SH2B1: variants seen among roughly 807,000 people sequenced by gnomAD.
SH2B1 encodes the protein SH2B adapter protein 1.
Under a neutral mutation model 62.6 loss-of-function variants are expected in SH2B1, and 15 were observed. That is an observed-to-expected ratio of 0.24 (90% CI 0.16 to 0.37). The LOEUF (loss-of-function observed/expected upper bound fraction) is 0.37. Among genes scored for constraint, SH2B1 ranks in the 10% least tolerant of loss-of-function variants. The pLI is 1.00. For synonymous variants in SH2B1, 443 were observed against 438.0 expected (o/e 1.01, Z -0.14); for missense variants, 925 against 1,015.6 (o/e 0.91, Z 1.21).
intron 1 of SH2B1, among the ~76,000 whole-genome samples, chr16:28,858,803 G>C (rs1962377128): frequency 6.6e-6 from 1 of 151,588 alleles, no homozygotes; most frequent in Non-Finnish European, 1.5e-5. Flanking sequence ...AGCCAGGCCT[G>C]GTGGCGCACG....
intron 1 of SH2B1, among the ~76,000 whole-genome samples, chr16:28,851,008 C>G (rs1278714783): frequency 1.3e-5 from 2 of 149,738 alleles, no homozygotes; most frequent in East Asian, 2.0e-4. Flanking sequence ...CCCGTCTCTA[C>G]TAAAAAAATA....
At chr16:28,846,834 G>A (rs1211770879) in intron 1 of SH2B1, 1 of 157,088 alleles carries the variant, frequency 6.4e-6, no homozygotes, top group Non-Finnish European at 1.4e-5. Flanking sequence ...GGAGGTAGGG[G>A]ACCAGGTCCT....
At position 28,866,809 on chromosome 16, in the gene SH2B1, G is replaced by T. The variant is rs769421511; in HGVS notation, c.715G>T (p.Ala239Ser). Residue 239 changes from alanine to serine, a missense_variant, in exon 1 of 8, where the codon GCC becomes TCC. Physicochemically the swap from Ala to Ser is moderately conservative, Grantham distance 99 (BLOSUM62 1). Coordinates refer to ENST00000684370, the MANE Select transcript of SH2B1 (RefSeq NM_001387430.1). The surrounding 1 kb of genome is among the most constrained non-coding windows in gnomAD (Gnocchi z 6.3). The stretch of plus-strand genomic sequence containing the variant: ...GCTGAGACTCAGTCGGGGAGGGGGC[G>T]CCTTGAAGGATGGAGCAGGGATGGT... ...ERLRLSRGGG[A>S]LKDGAGMVQR... 5 of 1,583,956 alleles carry T rather than the reference G, an allele frequency of 3.2e-6. No homozygotes were observed. The Admixed American group carries it at 5.3e-5, about 17-fold the overall frequency.
At position 28,866,449 on chromosome 16, in the gene SH2B1, G is replaced by C. The variant is rs1452968358; in HGVS notation, c.355G>C (p.Val119Leu). 1 of 1,613,926 alleles carries C rather than the reference G, an allele frequency of 6.2e-7. No individual in the cohort carries two copies. The highest frequency in any genetic ancestry group is 1.3e-5 in the African/African-American group (1 of 75,006). ...CTGCAGGGTGGGTGGGCCCCTGGCT[G>C]TGCTGGGCCCTTCTCGATCATCTGA... ...ESCRVGGPLA[V>L]LGPSRSSEDL... The change falls in exon 1 of 8, where the codon GTG becomes CTG. Residue 119 changes from valine to leucine, a missense_variant. Physicochemically the swap from Val to Leu is conservative, Grantham distance 32 (BLOSUM62 1). This residue lies in a region of SH2B1 where 683 missense variants were observed against 704.0 expected (regional missense o/e 0.97). Transcript: ENST00000684370. This position sits in a 1 kb window ranked among gnomAD's most constrained non-coding sequence, Gnocchi z 6.3.
At chr16:28,859,579 A>G (rs1376775689), upstream of SH2B1, among the ~76,000 whole-genome samples, 4 of 152,026 alleles carry the variant, frequency 2.6e-5, no homozygotes, top group African/African-American at 9.7e-5. Flanking sequence ...GGCGTGGGTC[A>G]TGCCTGTGGT....
chr16:28,874,106 G>A lies in SH2B1; in HGVS notation c.*286G>A, dbSNP rs1963198827. ...CATTAACTACCCCCAGCCCGAGGCA[G>A]GGTGAGGGGGAAGGGCTGTCAGTTA... On this transcript the variant is annotated 3_prime_UTR_variant, in exon 8 of 8. Coordinates refer to ENST00000684370, the MANE Select transcript of SH2B1 (RefSeq NM_001387430.1). 5.6e-6 allele frequency: 2 copies of A among 355,112 alleles called. No individual in the cohort carries two copies. Among genetic ancestry groups the A allele is most frequent in the Non-Finnish European group, 1.0e-5 (2 of 198,310 alleles). The allele number at this position is 355,112 out of a possible 1,614,324, so 22.0% of individuals were successfully genotyped here. A position where few individuals can be genotyped will look rare whatever the true frequency, so the allele number is the denominator to read the frequency against.
chr16:28,866,968 C>T lies in SH2B1; in HGVS notation c.874C>T (p.Leu292=). The T allele has an allele frequency of 6.2e-7, 1 of 1,606,782 alleles. No homozygotes were observed. ...GGQPQWQKCR[L]LLRSEGEGGG... is the part of the protein sequence containing the mutation. The stretch of plus-strand genomic sequence containing the variant: ...GCAGCCTCAGTGGCAGAAGTGTCGC[C>T]TGCTGCTTCGAAGTGAAGGAGAAGG... The change falls in exon 1 of 8, where the codon CTG becomes TTG. Residue 292 remains leucine, a synonymous_variant. Transcript: ENST00000684370. The surrounding 1 kb of genome is among the most constrained non-coding windows in gnomAD (Gnocchi z 6.3).
In SH2B1 at chr16:28,871,949, C is replaced by G; in HGVS notation, c.1479C>G (p.Pro493=). The G allele has an allele frequency of 6.2e-7, 1 of 1,609,536 alleles. No individual in the cohort carries two copies. The highest frequency in any genetic ancestry group is 8.5e-7 in the Non-Finnish European group (1 of 1,176,178). The change falls in exon 5 of 8, where the codon CCC becomes CCG. Residue 493 remains proline, a synonymous_variant. Coordinates refer to ENST00000684370, the MANE Select transcript of SH2B1 (RefSeq NM_001387430.1). ...PTGTVHPLSA[P]YPPLDTPETA... ...GGACAGTTCATCCCCTCTCAGCCCC[C>G]TACCCTCCCTTGGACACTCCGGAAA... is the stretch of plus-strand genomic sequence containing the variant.
rs1962611089 is a variant in SH2B1 at position 28,865,070 on chromosome 16, C to A, written c.-1025C>A. The A allele has an allele frequency of 1.0e-6, 1 of 985,286 alleles. No individual in the cohort carries two copies. Among genetic ancestry groups the A allele is most frequent in the Non-Finnish European group, 1.2e-6 (1 of 829,868 alleles). The allele number at this position is 985,286 out of a possible 1,614,324, so 61.0% of individuals were successfully genotyped here. ...CCCTGGTCTGACTCAAGTCCATGGC[C>A]TTAACCAGAAGGCTAACCTGCCTTT... On this transcript the variant is annotated 5_prime_UTR_variant, in exon 1 of 8. Coordinates refer to ENST00000684370, the MANE Select transcript of SH2B1 (RefSeq NM_001387430.1).
chr16:28,867,845 T>A (rs1159528578), intron 2 of SH2B1, among the ~76,000 whole-genome samples: 1 of 152,152 alleles, frequency 6.6e-6, no homozygotes, highest in Non-Finnish European at 1.5e-5. Flanking sequence ...TTACTTACAT[T>A]TGAGATAGAG....
At chr16:28,855,093 C>G (rs1274864624) in intron 1 of SH2B1, among the ~76,000 whole-genome samples, 1 of 152,006 alleles carries the variant, frequency 6.6e-6, no homozygotes, top group Non-Finnish European at 1.5e-5. Context: ...AGGCTGGTCT[C>G]GAACTCCTGA....
intron 1 of SH2B1, among the ~76,000 whole-genome samples, chr16:28,851,745 G>A (rs1962103846): frequency 6.6e-6 from 1 of 150,394 alleles, no homozygotes; most frequent in Admixed American, 6.6e-5. Flanking sequence ...TTATAGGCAT[G>A]AGCCACCGCG....
rs1441399942 is a variant in SH2B1, at chr16:28,872,110, G to GT, written c.1514-80_1514-79insT. 3.4e-6 allele frequency: 5 copies of GT among 1,450,544 alleles called. No homozygotes were observed. Among genetic ancestry groups the GT allele is most frequent in the Non-Finnish European group, 2.9e-6 (3 of 1,043,060 alleles). 89.9% of individuals were successfully genotyped at this position (1,450,544 alleles called of 1,614,324 possible). ...GCATGTGGGGAGCAGGCGCCTTGAG[G>GT]GGAAGGCAAGGCTTTTTTCTCCCAG... is the stretch of plus-strand genomic sequence containing the variant. On this transcript the variant is annotated intron_variant, in intron 5 of 7. Coordinates refer to ENST00000684370, the MANE Select transcript of SH2B1 (RefSeq NM_001387430.1). The surrounding 1 kb of genome is among the most constrained non-coding windows in gnomAD (Gnocchi z 5.3).
chr16:28,867,295 C>T (rs991528706), intron 1 of SH2B1, 36 bp from the exon 2 acceptor site: 2 of 1,535,052 alleles, frequency 1.3e-6, no homozygotes, highest in African/African-American at 2.7e-5. Context: ...TCTTTGGAAA[C>T]CAAACACCCA....
At chr16:28,851,913 A>G (rs1431075146) in intron 1 of SH2B1, among the ~76,000 whole-genome samples, 1 of 150,298 alleles carries the variant, frequency 6.7e-6, no homozygotes, top group African/African-American at 2.4e-5. Context: ...TTAAAAATAC[A>G]AAAAATAGTT....
Position 28,865,457 on chromosome 16 carries a change from G to A in SH2B1, c.-638G>A, listed in dbSNP as rs1333286698. 2.0e-6 allele frequency: 2 copies of A among 985,464 alleles called. No homozygotes were observed. The highest frequency in any genetic ancestry group is 1.7e-5 in the African/African-American group (1 of 57,228). The allele number at this position is 985,464 out of a possible 1,614,324, so 61.0% of individuals were successfully genotyped here. ...GGTCTAGAATCCCAGCTCCTCTCTA[G>A]CCCCCTGCGAGCTGGGGCGGTGAGG... On this transcript the variant is annotated 5_prime_UTR_variant, in exon 1 of 8. It removes the in-frame stop codon of an upstream open reading frame in the 5' UTR. Transcript: ENST00000684370.
In SH2B1 at chr16:28,864,990, CAA is replaced by C. The variant is rs1962606393; in HGVS notation, c.-1104_-1103del. 1.6e-6 allele frequency: 1 copy of C among 634,686 alleles called. No homozygotes were observed. Among genetic ancestry groups the C allele is most frequent in the African/African-American group, 2.0e-5 (1 of 50,398 alleles). 39.3% of individuals were successfully genotyped at this position (634,686 alleles called of 1,614,324 possible). A position where few individuals can be genotyped will look rare whatever the true frequency, so the allele number is the denominator to read the frequency against. On this transcript the variant is annotated 5_prime_UTR_variant, in exon 1 of 8. Coordinates refer to ENST00000684370, the MANE Select transcript of SH2B1 (RefSeq NM_001387430.1). ...GCTCAGAGAGGACGTGGAATTTGTT[CAA>C]GATAACATCGCTCATAAGGTGGCTG...
Position 28,863,886 on chromosome 16 carries a change from G to A in SH2B1, c.-2209G>A. On this transcript the variant is annotated 5_prime_UTR_variant, in exon 1 of 8. Coordinates refer to ENST00000684370, the MANE Select transcript of SH2B1 (RefSeq NM_001387430.1). Reference sequence around the variant, plus strand: ...GTCGCGTAGTGGGTGGGGGCGCAGGGAGCGGGAGCCGCCGCCGCCGCCGCC... The same window carrying A: ...GTCGCGTAGTGGGTGGGGGCGCAGGAAGCGGGAGCCGCCGCCGCCGCCGCC... The A allele has an allele frequency of 6.7e-7, 1 of 1,494,368 alleles. No homozygotes were observed. Among genetic ancestry groups the A allele is most frequent in the South Asian group, 1.2e-5 (1 of 81,288 alleles). The allele number at this position is 1,494,368 out of a possible 1,614,324, so 92.6% of individuals were successfully genotyped here.
In SH2B1 at chr16:28,852,659, CATAT is replaced by C. The variant is rs1203882095; in HGVS notation, c.-301+5837_-301+5840del. ...ACACATATATATTTATATATATACA[CATAT>C]ATATTTATATATATATTTACATATA... On this transcript the variant is annotated intron_variant, in intron 1 of 10. Coordinates refer to the SH2B1 transcript ENST00000322610. 2.6e-5 allele frequency among the ~76,000 whole-genome samples: 2 copies of C among 76,542 alleles called. 1 individual carries two copies. Among genetic ancestry groups the C allele is most frequent in the Non-Finnish European group, 4.4e-5 (2 of 45,578 alleles). The allele number at this position is 76,542 out of a possible 152,430, so 50.2% of individuals were successfully genotyped here.
Sources: allele counts gnomAD v4.1 joint callset (sites outside exome capture counted in the v4.1 genomes callset), GRCh38; gene constraint gnomAD v4.1.1; regional missense constraint gnomAD v4.1.1; non-coding constraint Gnocchi (gnomAD v3.1); transcripts MANE v1.5; gene names NCBI Gene and HGNC (gene_info 2026-07-23, HGNC 2026-07-21).